The following TMEM219 variants were observed in gnomAD, a reference collection of about 807,000 sequenced individuals.
TMEM219 encodes transmembrane protein 219.
A neutral mutation model predicts 17.9 loss-of-function variants in TMEM219; 18 were observed. The observed-to-expected ratio is 1.01, with a 90% CI of 0.70 to 1.49. The LOEUF (loss-of-function observed/expected upper bound fraction) is 1.49. Among genes scored for constraint, TMEM219 ranks in the 40% most tolerant of loss-of-function variants. TMEM219 has a pLI of 0.00. For synonymous variants in TMEM219, 113 were observed against 124.0 expected, an observed-to-expected ratio of 0.91 and a Z score of 0.59; for missense variants, 288 against 292.4, an observed-to-expected ratio of 0.99 and a Z score of 0.11.
In TMEM219 at chr16:29,968,633, T is replaced by C. The variant is rs1378126335; in HGVS notation, c.585+379T>C. On this transcript the variant is annotated intron_variant, in intron 4 of 5. Transcript: ENST00000279396. ...AATAAGAGGCAAATGGGCTAATTGC[T>C]ATTAGAGAGATGTGAGCAAAGTGTT... The C allele has an allele frequency of 1.6e-5, 3 of 187,756 alleles. No homozygotes were observed. In the East Asian group the frequency reaches 3.9e-4, roughly 24 times the overall value. 11.6% of individuals were successfully genotyped at this position (187,756 alleles called of 1,614,324 possible). A position where few individuals can be genotyped will look rare whatever the true frequency, so the allele number is the denominator to read the frequency against.
At chr16:29,967,882 G>A (rs2069232948) in intron 3 of TMEM219, 143 bp from the exon 4 acceptor site, 1 of 624,544 alleles carries the variant, frequency 1.6e-6, no homozygotes, top group South Asian at 1.9e-5. Context: ...AGCCGAGATT[G>A]CGCCACTGCA....
At chr16:29,962,579 G>A (rs1467924378) in intron 1 of TMEM219, 1 of 153,252 alleles carries the variant, frequency 6.5e-6, no homozygotes, top group Non-Finnish European at 1.5e-5. Context: ...GAAAGGAAGT[G>A]GACATTTGTT....
intron 4 of TMEM219, among the ~76,000 whole-genome samples, chr16:29,969,923 G>A (rs2150866151): frequency 6.6e-6 from 1 of 152,176 alleles, no homozygotes; most frequent in Admixed American, 6.5e-5. Context: ...CAGTCAGGAG[G>A]CTGCTGCACA....
At chr16:29,972,918 C>G (rs2069323354) in intron 5 of TMEM219, 32 bp from the exon 6 acceptor site, 1 of 152,184 alleles carries the variant, frequency 6.6e-6, no homozygotes, top group Non-Finnish European at 1.5e-5. Context: ...GCTCTTCGAC[C>G]TGTTTTGTTG....
At chr16:29,970,124 C>T (rs1280416021) in intron 4 of TMEM219, among the ~76,000 whole-genome samples, 2 of 151,730 alleles carry the variant, frequency 1.3e-5, no homozygotes, top group African/African-American at 4.8e-5. Flanking sequence ...ATCCCAGCTA[C>T]TCAGGAGGCT....
At chr16:29,971,372 A>G in intron 4 of TMEM219, 36 bp from the exon 5 acceptor site, 1 of 1,613,336 alleles carries the variant, frequency 6.2e-7, no homozygotes, top group Non-Finnish European at 8.5e-7. Context: ...CTGGATTAAC[A>G]TGTCCTCCTC....
At chr16:29,965,887 G>A (rs1367984942) in intron 3 of TMEM219, among the ~76,000 whole-genome samples, 1 of 151,770 alleles carries the variant, frequency 6.6e-6, no homozygotes, top group Non-Finnish European at 1.5e-5. Context: ...CAGGCATGTG[G>A]CACCATGCCC....
Position 29,968,270 on chromosome 16 carries a change from G to T in TMEM219, c.585+16G>T. On this transcript the variant is annotated intron_variant, in intron 4 of 5. Coordinates refer to ENST00000279396, the MANE Select transcript of TMEM219 (RefSeq NM_001083613.2). ...GCTCACCTCGGTAAGAGCCTCAGAT[G>T]GGTCGCCAGGGTTTTGTAGACTGCC... is the stretch of plus-strand genomic sequence containing the variant. The T allele has an allele frequency of 3.8e-6, 6 of 1,598,470 alleles. No individual in the cohort carries two copies. The highest frequency in any genetic ancestry group is 3.4e-6 in the Non-Finnish European group (4 of 1,166,868).
chr16:29,971,746 C>T, intron 5 of TMEM219, 168 bp downstream of exon 5: 1 of 513,934 alleles, frequency 1.9e-6, no homozygotes, highest in Non-Finnish European at 3.3e-6. Context: ...CAATTTGACA[C>T]CGTCAGCATT....
intron 5 of TMEM219, among the ~76,000 whole-genome samples, chr16:29,972,308 G>C (rs1040730246): frequency 2.0e-5 from 3 of 152,198 alleles, no homozygotes; most frequent in African/African-American, 7.2e-5. Context: ...TGGGGACATA[G>C]TATGTGCCCA....
At chr16:29,969,722 C>T (rs911385795) in intron 4 of TMEM219, among the ~76,000 whole-genome samples, 5 of 151,956 alleles carry the variant, frequency 3.3e-5, no homozygotes, top group Admixed American at 2.0e-4. Context: ...GGGAGCACTC[C>T]ATGTTGAGAG....
rs377507526 is a variant in TMEM219, at chr16:29,967,979, C to T, written c.356-46C>T. 1.9e-4 allele frequency: 266 copies of T among 1,411,624 alleles called. No individual in the cohort carries two copies. The African/African-American group carries it at 3.3e-3, about 17-fold the overall frequency. 87.4% of individuals were successfully genotyped at this position (1,411,624 alleles called of 1,614,324 possible). The stretch of plus-strand genomic sequence containing the variant: ...AGAAGCGTGAAGACAGAGGCTCCCG[C>T]GTCACCTCTCATTTTCTTCCATTTT... On this transcript the variant is annotated intron_variant, in intron 3 of 5. Transcript: ENST00000279396.
intron 3 of TMEM219, among the ~76,000 whole-genome samples, chr16:29,967,330 C>T (rs946456329): frequency 6.6e-6 from 1 of 152,086 alleles, no homozygotes; most frequent in Non-Finnish European, 1.5e-5. Flanking sequence ...TGACTAGGGG[C>T]AGGCGTGGTG....
At chr16:29,963,882 C>CAAA (rs34734372) in intron 3 of TMEM219, among the ~76,000 whole-genome samples, 32,932 of 77,780 alleles carry the variant, frequency 0.42, 6,106 homozygotes, top group Non-Finnish European at 0.5. Flanking sequence ...GACTCTGTCT[C>CAAA]AAAAAAAAAA....
intron 5 of TMEM219, 120 bp downstream of exon 5, chr16:29,971,698 A>C: frequency 1.1e-6 from 1 of 907,860 alleles, no homozygotes; most frequent in South Asian, 1.7e-5. Flanking sequence ...AGTCCCCGAG[A>C]ACCTCTTCAA....
chr16:29,971,605 G>A, intron 5 of TMEM219, 27 bp downstream of exon 5: 2 of 1,589,760 alleles, frequency 1.3e-6, no homozygotes, highest in East Asian at 2.3e-5. Context: ...CAGTCCTGCG[G>A]GAGCAGGGAA....
intron 3 of TMEM219, among the ~76,000 whole-genome samples, chr16:29,965,825 C>G (rs982815809): frequency 6.6e-6 from 1 of 152,170 alleles, no homozygotes; most frequent in African/African-American, 2.4e-5. Context: ...GAACCTCTGC[C>G]TCCCAGTTTC....
At chr16:29,966,954 T>G (rs976327401) in intron 3 of TMEM219, among the ~76,000 whole-genome samples, 1 of 152,206 alleles carries the variant, frequency 6.6e-6, no homozygotes. Flanking sequence ...CTATGTTTTT[T>G]TCTACATGGA....
At position 29,968,253 on chromosome 16, in the gene TMEM219, C is replaced by G; in HGVS notation, c.584C>G (p.Ser195Trp). 2.5e-6 allele frequency: 4 copies of G among 1,610,570 alleles called. No homozygotes were observed. The highest frequency in any genetic ancestry group is 3.4e-6 in the Non-Finnish European group (4 of 1,177,102). The change falls in exon 4 of 6, where the codon TCG becomes TGG. Residue 195 changes from serine to tryptophan, a missense_variant and splice_region_variant. Transcript: ENST00000279396. ...CTTGTGCTGACCAAGCTGCTCACCT[C>G]GGTAAGAGCCTCAGATGGGTCGCCA... ...EGLVLTKLLT[S>W]EELALCGSRL...
Sources: gnomAD v4.1 joint callset for allele counts (sites outside exome capture counted in the v4.1 genomes callset) on GRCh38, gnomAD v4.1.1 for gene constraint, MANE v1.5 for transcripts, NCBI Gene and HGNC (gene_info 2026-07-23, HGNC 2026-07-21) for gene names.